NEK11: variants seen among roughly 807,000 people sequenced by gnomAD.
The protein encoded by NEK11 is NIMA related kinase 11, also known as serine/threonine-protein kinase Nek11.
In NEK11, 72 loss-of-function variants were observed where a neutral mutation model predicts 80.7. The ratio of observed to expected loss-of-function variants is 0.89; its 90% CI spans 0.74 to 1.08. The LOEUF (loss-of-function observed/expected upper bound fraction) is 1.08, where lower values mean the gene tolerates loss of function less well. NEK11 is among the 50% of genes least tolerant of loss of function. The pLI is 0.00. For missense variants in NEK11, 764 were observed against 763.6 expected (o/e 1.00, Z -0.01); for synonymous variants, 251 against 260.7 (o/e 0.96, Z 0.36).
intron 10 of NEK11, among the ~76,000 whole-genome samples, chr3:131,156,177 A>G (rs2090614872): frequency 1.3e-5 from 2 of 152,194 alleles, no homozygotes; most frequent in Non-Finnish European, 2.9e-5. Context: ...TATTGACTTC[A>G]GATGGTCACT....
chr3:131,322,872 TG>T (rs1203061194), intron 17 of NEK11, among the ~76,000 whole-genome samples: 1 of 152,196 alleles, frequency 6.6e-6, no homozygotes, highest in Non-Finnish European at 1.5e-5. Flanking sequence ...TCTTTCCTTC[TG>T]TAAAATGGGA....
chr3:131,189,131 G>A (rs915250515), intron 14 of NEK11, among the ~76,000 whole-genome samples: 4 of 152,142 alleles, frequency 2.6e-5, no homozygotes, highest in African/African-American at 7.2e-5. Flanking sequence ...GGAAGGAGGG[G>A]AGGCCTGGAA....
At chr3:131,347,024 G>A (rs953929659) in intron 17 of NEK11, among the ~76,000 whole-genome samples, 22 of 152,150 alleles carry the variant, frequency 1.4e-4, no homozygotes, top group Non-Finnish European at 2.9e-4. Context: ...TGTATGAAGA[G>A]AATGACCAGG....
intron 16 of NEK11, among the ~76,000 whole-genome samples, chr3:131,267,832 G>C (rs947686996): frequency 6.6e-6 from 1 of 152,078 alleles, no homozygotes. Flanking sequence ...TTGCTAGGTT[G>C]GGGAAGTTCT....
chr3:131,150,017 G>A (rs2089309298), intron 7 of NEK11, among the ~76,000 whole-genome samples: 1 of 151,662 alleles, frequency 6.6e-6, no homozygotes, highest in African/African-American at 2.4e-5. Flanking sequence ...TTGATATTTG[G>A]TATCTTTATT....
At chr3:131,293,765 A>G (rs1317059519) in intron 17 of NEK11, among the ~76,000 whole-genome samples, 1 of 152,150 alleles carries the variant, frequency 6.6e-6, no homozygotes, top group East Asian at 1.9e-4. Context: ...TATTGATTCA[A>G]TTTATTGAAT....
At chr3:131,219,360 A>C (rs898167863) in intron 14 of NEK11, among the ~76,000 whole-genome samples, 1 of 148,790 alleles carries the variant, frequency 6.7e-6, no homozygotes, top group African/African-American at 2.5e-5. Context: ...ACATGGACAC[A>C]GGGAGGGGAA....
chr3:131,247,670 G>A (rs777124355), intron 16 of NEK11, among the ~76,000 whole-genome samples: 26 of 151,894 alleles, frequency 1.7e-4, no homozygotes, highest in Non-Finnish European at 3.8e-4. Context: ...GAATGATGGT[G>A]GTATTTGATG....
intron 5 of NEK11, among the ~76,000 whole-genome samples, chr3:131,129,305 C>T (rs991363207): frequency 2.0e-5 from 3 of 152,162 alleles, no homozygotes; most frequent in Non-Finnish European, 2.9e-5. Flanking sequence ...CTGCCTGCCT[C>T]AGCCTCCCAA....
At chr3:131,086,369 G>C (rs1184744062) in intron 4 of NEK11, among the ~76,000 whole-genome samples, 1 of 151,896 alleles carries the variant, frequency 6.6e-6, no homozygotes, top group Non-Finnish European at 1.5e-5. Flanking sequence ...CATTCTTTCT[G>C]TATTTACTAA....
At chr3:131,038,180 C>A (rs575891722) in intron 3 of NEK11, among the ~76,000 whole-genome samples, 1 of 152,114 alleles carries the variant, frequency 6.6e-6, no homozygotes, top group South Asian at 2.1e-4. Flanking sequence ...AGTTCAGATT[C>A]TCGGAATCTT....
intron 3 of NEK11, among the ~76,000 whole-genome samples, chr3:131,047,358 G>C (rs373208170): frequency 1.3e-5 from 2 of 152,024 alleles, no homozygotes; most frequent in South Asian, 2.1e-4. Context: ...TTGTTTTTTC[G>C]TATTACCAGG....
At position 131,233,530 on chromosome 3, in the gene NEK11, A is replaced by G. The variant is rs1483407485; in HGVS notation, c.1560+4842A>G. On this transcript the variant is annotated intron_variant, in intron 15 of 17. Coordinates refer to ENST00000383366, the MANE Select transcript of NEK11 (RefSeq NM_024800.5). ...TAGAATTTAACTGGCTGGAATTCAA[A>G]TAAGGGAGAAGGCAGAGATAAAGGA... Among the ~76,000 whole-genome samples, 4 of 152,218 alleles carry G rather than the reference A, an allele frequency of 2.6e-5. No individual in the cohort carries two copies. The East Asian group carries it at 7.7e-4, about 29-fold the overall frequency.
chr3:131,141,497 G>A (rs2086894167), intron 7 of NEK11, among the ~76,000 whole-genome samples: 1 of 152,150 alleles, frequency 6.6e-6, no homozygotes, highest in Non-Finnish European at 1.5e-5. Flanking sequence ...AGAACCATTT[G>A]GCCAGGGCCT....
At chr3:131,236,045 A>T (rs561087410) in intron 15 of NEK11, among the ~76,000 whole-genome samples, 66 of 152,316 alleles carry the variant, frequency 4.3e-4, no homozygotes, top group African/African-American at 1.5e-3. Context: ...TAAAGCTAAA[A>T]CTAGAGTTAA....
At chr3:131,165,991 A>G (rs2092184283) in intron 12 of NEK11, among the ~76,000 whole-genome samples, 1 of 152,198 alleles carries the variant, frequency 6.6e-6, no homozygotes, top group African/African-American at 2.4e-5. Context: ...TAGATGTTCA[A>G]TAATGAATAG....
chr3:131,077,067 A>G (rs2148988403), intron 3 of NEK11, among the ~76,000 whole-genome samples: 1 of 152,276 alleles, frequency 6.6e-6, no homozygotes, highest in African/African-American at 2.4e-5. Context: ...GTTATCCCGA[A>G]TTTCCAAAGT....
At chr3:131,122,217 A>G (rs1262318149) in intron 5 of NEK11, among the ~76,000 whole-genome samples, 1 of 152,176 alleles carries the variant, frequency 6.6e-6, no homozygotes, top group African/African-American at 2.4e-5. Flanking sequence ...GAGTCCGTAA[A>G]TATGACTGTG....
intron 14 of NEK11, among the ~76,000 whole-genome samples, chr3:131,219,382 G>A (rs1296521907): frequency 6.6e-5 from 10 of 151,956 alleles, no homozygotes; most frequent in Admixed American, 6.6e-4. Context: ...ATCACACACT[G>A]GGGTCTGTCA....
Sources: allele counts gnomAD v4.1 joint callset (sites outside exome capture counted in the v4.1 genomes callset), GRCh38; gene constraint gnomAD v4.1.1; transcripts MANE v1.5; gene names NCBI Gene and HGNC (gene_info 2026-07-23, HGNC 2026-07-21).